PCDHGA5: variants seen among roughly 807,000 people sequenced by gnomAD.
PCDHGA5 encodes the protein protocadherin gamma-A5.
PCDHGA5 carries 36 observed loss-of-function variants against 56.7 expected under a neutral mutation model. That is an observed-to-expected ratio of 0.64 (90% CI 0.49 to 0.84). The LOEUF (loss-of-function observed/expected upper bound fraction) is 0.84. Among genes scored for constraint, PCDHGA5 ranks in the 40% least tolerant of loss-of-function variants. The probability of loss-of-function intolerance (pLI) is 0.00; values close to 1 mark genes in which losing one functional copy is unlikely to be tolerated. For missense variants in PCDHGA5, 1,305 were observed against 1,201.5 expected (o/e 1.09, Z -1.27); for synonymous variants, 563 against 520.2 (o/e 1.08, Z -1.12).
At chr5:141,368,352 CAT>C (rs965270733) in intron 1 of PCDHGA5, among the ~76,000 whole-genome samples, 1 of 152,006 alleles carries the variant, frequency 6.6e-6, no homozygotes, top group East Asian at 1.9e-4. Context: ...TATACACACA[CAT>C]ATATATACAC....
intron 1 of PCDHGA5, chr5:141,376,296 C>T (rs769852070): frequency 1.2e-6 from 2 of 1,614,184 alleles, no homozygotes; most frequent in Non-Finnish European, 1.7e-6. Flanking sequence ...ATGCCCGGCT[C>T]GCACTTTGTG....
intron 1 of PCDHGA5, among the ~76,000 whole-genome samples, chr5:141,472,402 G>T (rs569497172): frequency 6.6e-6 from 1 of 152,042 alleles, no homozygotes; most frequent in Non-Finnish European, 1.5e-5. Context: ...TTAGCCAGGC[G>T]TGGTGGCACG....
Position 141,376,152 on chromosome 5 carries a change from C to G in PCDHGA5, c.2421+9401C>G, listed in dbSNP as rs376990625. 10 of 1,614,026 alleles carry G rather than the reference C, an allele frequency of 6.2e-6. No individual in the cohort carries two copies. In the African/African-American group the frequency reaches 1.3e-4, roughly 22 times the overall value. On this transcript the variant is annotated intron_variant, in intron 1 of 3. Transcript: ENST00000518069. ...GCCAAACCCAACGATTCGGACCTCACTCTGTACCTGGTGGTGGCGGTGGCC... is the reference window on the plus strand; with the variant it reads ...GCCAAACCCAACGATTCGGACCTCAGTCTGTACCTGGTGGTGGCGGTGGCC...
chr5:141,486,282 C>T lies in PCDHGA5; in HGVS notation c.2422-8525C>T. ...AGTGCAGAACCTGGCACTGTGGTGGCACTTATCAGTGTGCAGGATCCAGAC... is the reference window on the plus strand; with the variant it reads ...AGTGCAGAACCTGGCACTGTGGTGGTACTTATCAGTGTGCAGGATCCAGAC... On this transcript the variant is annotated intron_variant, in intron 1 of 3. Transcript: ENST00000518069. This position sits in a 1 kb window ranked among gnomAD's most constrained non-coding sequence, Gnocchi z 5.0. 6.2e-7 allele frequency: 1 copy of T among 1,614,052 alleles called. No homozygotes were observed. Among genetic ancestry groups the T allele is most frequent in the Non-Finnish European group, 8.5e-7 (1 of 1,179,992 alleles).
chr5:141,372,926 G>C, intron 1 of PCDHGA5: 3 of 943,814 alleles, frequency 3.2e-6, no homozygotes, highest in Non-Finnish European at 4.6e-6. Context: ...TTGATTTTCT[G>C]GTGTAGAGTA....
chr5:141,404,405 TC>T, intron 1 of PCDHGA5: 1 of 1,613,914 alleles, frequency 6.2e-7, no homozygotes, highest in South Asian at 1.1e-5. Flanking sequence ...CAATGAGAAT[TC>T]TAGAGTTATT....
chr5:141,445,389 C>T (rs1484183450), intron 1 of PCDHGA5, among the ~76,000 whole-genome samples: 1 of 152,174 alleles, frequency 6.6e-6, no homozygotes, highest in Non-Finnish European at 1.5e-5. Flanking sequence ...CATTCATTTA[C>T]ATAACAAATA....
chr5:141,455,737 A>T (rs1290390106), intron 1 of PCDHGA5, among the ~76,000 whole-genome samples: 1 of 152,162 alleles, frequency 6.6e-6, no homozygotes, highest in Non-Finnish European at 1.5e-5. Context: ...TTTGCATATC[A>T]AAGGTTGCTG....
At chr5:141,394,740 G>C in intron 1 of PCDHGA5, 2 of 1,613,404 alleles carry the variant, frequency 1.2e-6, no homozygotes, top group Non-Finnish European at 1.7e-6. Context: ...GCAGAGCCTC[G>C]TGGTGGCCGT....
At chr5:141,501,881 C>T (rs1396427606) in intron 2 of PCDHGA5, among the ~76,000 whole-genome samples, 1 of 152,124 alleles carries the variant, frequency 6.6e-6, no homozygotes, top group East Asian at 1.9e-4. Context: ...CCTTACACTC[C>T]TGATCATCAT....
intron 1 of PCDHGA5, chr5:141,423,757 G>A: frequency 5.1e-6 from 2 of 395,134 alleles, no homozygotes; most frequent in Non-Finnish European, 7.1e-6. Flanking sequence ...GTTTGGGGGG[G>A]GGGTGGGGCG....
intron 3 of PCDHGA5, 43 bp downstream of exon 3, chr5:141,505,524 G>A: frequency 6.2e-7 from 1 of 1,612,712 alleles, no homozygotes; most frequent in Non-Finnish European, 8.5e-7. Context: ...GGAGACCTGG[G>A]GTTCTGGGGT....
At chr5:141,442,737 G>A (rs1376026431) in intron 1 of PCDHGA5, among the ~76,000 whole-genome samples, 1 of 152,152 alleles carries the variant, frequency 6.6e-6, no homozygotes, top group Non-Finnish European at 1.5e-5. Flanking sequence ...CTGTAGGTAA[G>A]GAGCATGTTT....
In PCDHGA5 at chr5:141,423,465, G is replaced by A. The variant is rs762995150; in HGVS notation, c.2421+56714G>A. On this transcript the variant is annotated intron_variant, in intron 1 of 3. Coordinates refer to ENST00000518069, the MANE Select transcript of PCDHGA5 (RefSeq NM_018918.3). ...CGTCACATTTTGTAGGCGTGGACGG[G>A]GTACAGGCTTTCCTGCAAACCTATT... The A allele has an allele frequency of 2.6e-5, 42 of 1,614,006 alleles. 1 individual carries two copies. The Middle Eastern group carries it at 1.5e-3, about 57-fold the overall frequency.
rs1430298222 is a variant in PCDHGA5, at chr5:141,476,741, A to C, written c.2422-18066A>C. ...CGCCCTGGACCGAGAACGGGAGCCTAGTCTCCAGTTAGTGCTGACGGCGTT... is the reference window on the plus strand; with the variant it reads ...CGCCCTGGACCGAGAACGGGAGCCTCGTCTCCAGTTAGTGCTGACGGCGTT... On this transcript the variant is annotated intron_variant, in intron 1 of 3. Coordinates refer to ENST00000518069, the MANE Select transcript of PCDHGA5 (RefSeq NM_018918.3). The surrounding 1 kb of genome is among the most constrained non-coding windows in gnomAD (Gnocchi z 7.6). 1 of 1,613,936 alleles carries C rather than the reference A, an allele frequency of 6.2e-7. No homozygotes were observed. Among genetic ancestry groups the C allele is most frequent in the South Asian group, 1.1e-5 (1 of 91,088 alleles).
chr5:141,372,161 C>T lies in PCDHGA5; in HGVS notation c.2421+5410C>T, dbSNP rs777425940. 5.6e-6 allele frequency: 9 copies of T among 1,613,776 alleles called. No individual in the cohort carries two copies. The Middle Eastern group carries it at 5.0e-4, about 89-fold the overall frequency. On this transcript the variant is annotated intron_variant, in intron 1 of 3. Transcript: ENST00000518069. Reference sequence around the variant, plus strand: ...CTGCAGAGCCTGGCTACCTGGTGACCAAGGTGGTGGCGGTGGACGCAGACT... The same window carrying T: ...CTGCAGAGCCTGGCTACCTGGTGACTAAGGTGGTGGCGGTGGACGCAGACT...
intron 1 of PCDHGA5, chr5:141,419,929 T>C: frequency 6.2e-7 from 1 of 1,614,076 alleles, no homozygotes; most frequent in Non-Finnish European, 8.5e-7. Context: ...AGATGCAGTT[T>C]TACCTGGTGG....
chr5:141,485,895 C>G lies in PCDHGA5; in HGVS notation c.2422-8912C>G, dbSNP rs1243568042. On this transcript the variant is annotated intron_variant, in intron 1 of 3. Coordinates refer to ENST00000518069, the MANE Select transcript of PCDHGA5 (RefSeq NM_018918.3). This position sits in a 1 kb window ranked among gnomAD's most constrained non-coding sequence, Gnocchi z 5.7. Reference sequence around the variant, plus strand: ...CTGGACGTAAACGACAACGCCCCAGCCTTCCAGCAATCCAGCTACAGGATT... The same window carrying G: ...CTGGACGTAAACGACAACGCCCCAGGCTTCCAGCAATCCAGCTACAGGATT... 3 of 1,614,136 alleles carry G rather than the reference C, an allele frequency of 1.9e-6. No individual in the cohort carries two copies. The highest frequency in any genetic ancestry group is 2.5e-6 in the Non-Finnish European group (3 of 1,180,036).
chr5:141,456,701 G>A lies in PCDHGA5; in HGVS notation c.2422-38106G>A, dbSNP rs370086323. ...CATTACTGGCCAGGCGTGGTGGCTC[G>A]CGCCTGTAATCCCAGCACTTTGGGA... On this transcript the variant is annotated intron_variant, in intron 1 of 3. Transcript: ENST00000518069. 2.3e-4 allele frequency among the ~76,000 whole-genome samples: 35 copies of A among 152,106 alleles called. No homozygotes were observed. The South Asian group carries it at 4.8e-3, about 21-fold the overall frequency.
Sources: allele counts gnomAD v4.1 joint callset (sites outside exome capture counted in the v4.1 genomes callset), GRCh38; gene constraint gnomAD v4.1.1; non-coding constraint Gnocchi (gnomAD v3.1); transcripts MANE v1.5; gene names NCBI Gene and HGNC (gene_info 2026-07-23, HGNC 2026-07-21).